ITLN2: variants seen among roughly 807,000 people sequenced by gnomAD.
ITLN2 encodes intelectin 2.
ITLN2 carries 29 observed loss-of-function variants against 39.4 expected under a neutral mutation model. The observed-to-expected ratio is 0.74, with a 90% CI of 0.55 to 1.00. The LOEUF is 1.00. Ranked by LOEUF, ITLN2 falls within the 50% of genes least tolerant of loss-of-function variation. ITLN2 has a pLI of 0.00. For missense variants in ITLN2, 412 were observed against 416.7 expected, an observed-to-expected ratio of 0.99 and a Z score of 0.10; for synonymous variants, 156 against 153.4, an observed-to-expected ratio of 1.02 and a Z score of -0.12.
chr1:160,946,469 T>C (rs1671604921), intron 7 of ITLN2, among the ~76,000 whole-genome samples: 1 of 152,058 alleles, frequency 6.6e-6, no homozygotes, highest in Non-Finnish European at 1.5e-5. Flanking sequence ...CCCAGCACTT[T>C]GGGAGGCCGA....
intron 2 of ITLN2, among the ~76,000 whole-genome samples, 183 bp from the exon 3 acceptor site, chr1:160,952,916 C>T (rs977572839): frequency 6.6e-6 from 1 of 152,144 alleles, no homozygotes; most frequent in South Asian, 2.1e-4. Flanking sequence ...ATCTTCCACT[C>T]GACTAATTTT....
chr1:160,951,393 A>G, intron 3 of ITLN2, 103 bp from the exon 4 acceptor site: 1 of 1,425,374 alleles, frequency 7.0e-7, no homozygotes, highest in South Asian at 1.4e-5. Context: ...CACTCAGAAG[A>G]CTCCAACACA....
At chr1:160,951,742 A>G (rs1293641426) in intron 3 of ITLN2, among the ~76,000 whole-genome samples, 1 of 152,142 alleles carries the variant, frequency 6.6e-6, no homozygotes, top group African/African-American at 2.4e-5. Context: ...CATCCTGGTG[A>G]CCTTGCACAT....
In ITLN2 at chr1:160,953,539, ATC is replaced by A. The variant is rs1671794190; in HGVS notation, c.80-808_80-807del. 2.0e-5 allele frequency among the ~76,000 whole-genome samples: 3 copies of A among 152,224 alleles called. No homozygotes were observed. In the South Asian group the frequency reaches 6.2e-4, roughly 32 times the overall value. ...AGCCTGGTCAATATGGTGAAACCCC[ATC>A]TCTACTAAAAATACAAAAATTAGCT... is the stretch of plus-strand genomic sequence containing the variant. On this transcript the variant is annotated intron_variant, in intron 2 of 7. Transcript: ENST00000368029.
chr1:160,950,589 G>A lies in ITLN2; in HGVS notation c.564C>T (p.Leu188=). 6.2e-7 allele frequency: 1 copy of A among 1,614,218 alleles called. No individual in the cohort carries two copies. The highest frequency in any genetic ancestry group is 8.5e-7 in the Non-Finnish European group (1 of 1,180,042). Residue 188 remains leucine, a synonymous_variant, in exon 5 of 8, where the codon CTC becomes CTT. Transcript: ENST00000368029. Reference sequence around the variant, plus strand: ...CAAACAGATTATGTCCCAGTCTCTGGAGGAAGCCAGTGTTGGTGCGGTACC... The same window carrying A: ...CAAACAGATTATGTCCCAGTCTCTGAAGGAAGCCAGTGTTGGTGCGGTACC... ...LLRYRTNTGF[L]QRLGHNLFGI...
At chr1:160,949,156 A>C (rs1671676439) in intron 6 of ITLN2, 1 of 150,708 alleles carries the variant, frequency 6.6e-6, no homozygotes, top group Non-Finnish European at 1.5e-5. Flanking sequence ...CACATACATA[A>C]ACATCTCGGT....
chr1:160,950,478 G>T, intron 5 of ITLN2, 75 bp downstream of exon 5: 2 of 1,533,578 alleles, frequency 1.3e-6, no homozygotes, highest in Non-Finnish European at 1.8e-6. Context: ...CCACAGGACA[G>T]ATCTGCCCCC....
chr1:160,953,511 A>G (rs948425395), intron 2 of ITLN2, among the ~76,000 whole-genome samples: 4 of 152,160 alleles, frequency 2.6e-5, no homozygotes, highest in African/African-American at 9.7e-5. Context: ...GGAGTTCAAG[A>G]ACAGCCTGGT....
rs149869952 is a variant in ITLN2 at position 160,948,002 on chromosome 1, C to T, written c.752G>A (p.Arg251Gln). Residue 251 changes from arginine (R) to glutamine (Q), a missense_variant, in exon 7 of 8, where the codon CGG becomes CAG. Arg to Gln is a conservative substitution (Grantham distance 43, BLOSUM62 1). Coordinates refer to ENST00000368029, the MANE Select transcript of ITLN2 (RefSeq NM_080878.3). ...GGCTGCTCTCTCGTTATTAAACACC[C>T]GGAACTGAACGAATCCTGCAACAAA... is the stretch of plus-strand genomic sequence containing the variant. ...REFVAGFVQF[R>Q]VFNNERAANA... The T allele has an allele frequency of 7.7e-4, 1,238 of 1,613,990 alleles. 13 individuals carry two copies. The East Asian group carries it at 0.023, about 30-fold the overall frequency.
At position 160,947,947 on chromosome 1, in the gene ITLN2, AG is replaced by A. The variant is rs764504454; in HGVS notation, c.806del (p.Thr269MetfsTer47). 6.2e-7 allele frequency: 1 copy of A among 1,613,766 alleles called. No homozygotes were observed. The highest frequency in any genetic ancestry group is 8.5e-7 in the Non-Finnish European group (1 of 1,179,656). ...AACTCACATGCTCAGTGTTACAGCC[AG>A]TAACTTTTATCCCAGCACAAAGGGC... ...ANALCAGIKV[T>X]GCNTEHHCIG... is the part of the protein sequence containing the mutation. On this transcript the variant is annotated frameshift_variant, in exon 7 of 8. Coordinates refer to ENST00000368029, the MANE Select transcript of ITLN2 (RefSeq NM_080878.3). LOFTEE classifies it high-confidence loss of function.
In ITLN2 at chr1:160,952,696, G is replaced by C. The variant is rs141409978; in HGVS notation, c.117C>G (p.Phe39Leu). The C allele has an allele frequency of 1.2e-6, 2 of 1,613,868 alleles. No homozygotes were observed. The highest frequency in any genetic ancestry group is 2.7e-5 in the African/African-American group (2 of 74,904). The stretch of plus-strand genomic sequence containing the variant: ...AAGAAAAGGAGAAGGCACAGGTTTC[G>C]AATTCCCTCGAGAGCATCTCAAGAG... ...ASSLEMLSRE[F>L]ETCAFSFSSL... The change falls in exon 3 of 8, where the codon TTC (phenylalanine) becomes TTG (leucine). Residue 39 changes from phenylalanine to leucine, a missense_variant. Coordinates refer to ENST00000368029, the MANE Select transcript of ITLN2 (RefSeq NM_080878.3).
chr1:160,949,906 C>A, intron 6 of ITLN2, 140 bp downstream of exon 6: 1 of 710,432 alleles, frequency 1.4e-6, no homozygotes, highest in Non-Finnish European at 2.3e-6. Context: ...GACACAAAAT[C>A]ATGTTAAGTT....
At chr1:160,954,358 T>A in intron 2 of ITLN2, 29 bp downstream of exon 2, 1 of 1,511,230 alleles carries the variant, frequency 6.6e-7, no homozygotes, top group Non-Finnish European at 9.0e-7. Context: ...CCCAGGAAAC[T>A]GCAGCTCCTA....
At chr1:160,948,474 A>T (rs1424648409) in intron 6 of ITLN2, among the ~76,000 whole-genome samples, 6 of 152,182 alleles carry the variant, frequency 3.9e-5, no homozygotes, top group Non-Finnish European at 7.3e-5. Context: ...GCAAACAGTG[A>T]TGTCTTTGAT....
chr1:160,951,035 G>C lies in ITLN2; in HGVS notation c.441+8C>G. On this transcript the variant is annotated splice_region_variant and intron_variant, in intron 4 of 7. Coordinates refer to ENST00000368029, the MANE Select transcript of ITLN2 (RefSeq NM_080878.3). ...CCCTCACCCAAGTAGGAGAGAAGTGGCACCAACCTTGTAGTCATCGCTCGT... is the reference window on the plus strand; with the variant it reads ...CCCTCACCCAAGTAGGAGAGAAGTGCCACCAACCTTGTAGTCATCGCTCGT... 6.2e-7 allele frequency: 1 copy of C among 1,614,184 alleles called. No individual in the cohort carries two copies. The highest frequency in any genetic ancestry group is 8.5e-7 in the Non-Finnish European group (1 of 1,180,038).
intron 6 of ITLN2, 194 bp downstream of exon 6, chr1:160,949,852 A>T (rs138947485): frequency 9.5e-5 from 53 of 558,782 alleles, no homozygotes; most frequent in African/African-American, 9.0e-4. Flanking sequence ...TGAAATGGGG[A>T]TAACAGCAAT....
In ITLN2 at chr1:160,952,637, CGTTCCT is replaced by C; in HGVS notation, c.170_175del (p.Lys57_Arg59delinsSer). The C allele has an allele frequency of 6.2e-7, 1 of 1,613,488 alleles. No homozygotes were observed. The highest frequency in any genetic ancestry group is 8.5e-7 in the Non-Finnish European group (1 of 1,179,364). ...TTACTCACCACCTGCACTATGGCAG[CGTTCCT>C]TGATTTCTTTGCAGCTTCTAGGCAG... On this transcript the variant is annotated inframe_deletion, in exon 3 of 8. Coordinates refer to ENST00000368029, the MANE Select transcript of ITLN2 (RefSeq NM_080878.3).
At chr1:160,953,004 T>C (rs1046821471) in intron 2 of ITLN2, among the ~76,000 whole-genome samples, 7 of 152,122 alleles carry the variant, frequency 4.6e-5, no homozygotes, top group Admixed American at 4.6e-4. Context: ...GACTACATTC[T>C]ACAAGGAAGG....
chr1:160,951,404 T>C (rs1463830804), intron 3 of ITLN2, 114 bp from the exon 4 acceptor site: 6 of 1,371,430 alleles, frequency 4.4e-6, no homozygotes, highest in Non-Finnish European at 5.9e-6. Flanking sequence ...CTCCAACACA[T>C]ACTTGCTGGA....
Sources: gnomAD v4.1 joint callset for allele counts (sites outside exome capture counted in the v4.1 genomes callset) on GRCh38, gnomAD v4.1.1 for gene constraint, MANE v1.5 for transcripts, NCBI Gene and HGNC (gene_info 2026-07-23, HGNC 2026-07-21) for gene names.